Variants in GULP1 observed in about 807,000 individuals in gnomAD.
GULP1 encodes GULP PTB domain containing engulfment adaptor 1.
A neutral mutation model predicts 40.9 loss-of-function variants in GULP1; 19 were observed. The ratio of observed to expected loss-of-function variants is 0.46; its 90% CI spans 0.32 to 0.68. GULP1 has a LOEUF of 0.68. Ranked by LOEUF, GULP1 falls within the 30% of genes least tolerant of loss-of-function variation. GULP1 has a pLI of 0.03. For synonymous variants in GULP1, 119 were observed against 117.6 expected (o/e 1.01, Z -0.08); for missense variants, 312 against 362.2 (o/e 0.86, Z 1.12).
chr2:188,502,220 A>G (rs2063502625), intron 4 of GULP1, among the ~76,000 whole-genome samples: 1 of 151,720 alleles, frequency 6.6e-6, no homozygotes, highest in African/African-American at 2.4e-5. Flanking sequence ...AGAGAGCTGC[A>G]TCTGATATCC....
chr2:188,556,273 A>G lies in GULP1; in HGVS notation c.400-12966A>G, dbSNP rs185681721. ...TATTTGTCCGACTGAATTATTTCAA[A>G]AGATCTGTCTTTAAAGATTTGAGAT... is the stretch of plus-strand genomic sequence containing the variant. On this transcript the variant is annotated intron_variant, in intron 7 of 11. Transcript: ENST00000409830. Among the ~76,000 whole-genome samples the G allele has an allele frequency of 1.7e-3, 252 of 152,206 alleles. 2 individuals carry two copies. Among genetic ancestry groups the G allele is most frequent in the East Asian group, 3.9e-4 (2 of 5,166 alleles).
intron 1 of GULP1, among the ~76,000 whole-genome samples, chr2:188,339,333 T>C: frequency 6.6e-6 from 1 of 152,190 alleles, no homozygotes; most frequent in East Asian, 1.9e-4. Context: ...GATGATGCTT[T>C]GTCAGTATGT....
Position 188,320,631 on chromosome 2 carries a change from T to TA in GULP1, c.-172+28473dup, listed in dbSNP as rs911712319. ...ATATTTTCTGAGAAGCATGTTTTGTTAAAAAAAATAAAACAAACAGGCTTT... is the reference window on the plus strand; with the variant it reads ...ATATTTTCTGAGAAGCATGTTTTGTTAAAAAAAAATAAAACAAACAGGCTTT... On this transcript the variant is annotated intron_variant, in intron 1 of 11. Coordinates refer to ENST00000409830, the MANE Select transcript of GULP1 (RefSeq NM_016315.4). Among the ~76,000 whole-genome samples the TA allele has an allele frequency of 6.6e-5, 10 of 151,972 alleles. 1 individual carries two copies. Among genetic ancestry groups the TA allele is most frequent in the Admixed American group, 4.6e-4 (7 of 15,248 alleles).
At position 188,541,270 on chromosome 2, in the gene GULP1, TTC is replaced by T. The variant is rs759835826; in HGVS notation, c.353_354del (p.Ser118Ter). The T allele has an allele frequency of 6.2e-7, 1 of 1,612,268 alleles. No homozygotes were observed. ...GGATATTCACTTTCATATGCAAAGA[TTC>T]TGAGTCAAATAAACATTTGTGCTAT... Reference protein sequence around the residue: ...KRIFTFICKDSESNKHLCYVF... With the variant: ...KRIFTFICKDXESNKHLCYVF... On this transcript the variant is annotated frameshift_variant, in exon 7 of 12. Coordinates refer to ENST00000409830, the MANE Select transcript of GULP1 (RefSeq NM_016315.4). LOFTEE classifies it high-confidence loss of function.
At chr2:188,450,203 T>C (rs2058722211) in intron 2 of GULP1, among the ~76,000 whole-genome samples, 1 of 152,194 alleles carries the variant, frequency 6.6e-6, no homozygotes, top group Non-Finnish European at 1.5e-5. Context: ...TCATTTAGGC[T>C]TTACAGAACA....
chr2:188,372,787 G>C (rs2047767910), intron 1 of GULP1, among the ~76,000 whole-genome samples: 1 of 151,866 alleles, frequency 6.6e-6, no homozygotes, highest in Non-Finnish European at 1.5e-5. Context: ...CCATATCATT[G>C]GGTCTTGGAA....
chr2:188,530,202 C>T (rs535943269), intron 6 of GULP1, among the ~76,000 whole-genome samples: 79 of 152,162 alleles, frequency 5.2e-4, no homozygotes, highest in Non-Finnish European at 9.4e-4. Context: ...CACAGACAAC[C>T]CTAGGTGAAT....
chr2:188,354,823 C>A (rs1028008599), intron 1 of GULP1, among the ~76,000 whole-genome samples: 1 of 152,028 alleles, frequency 6.6e-6, no homozygotes, highest in Non-Finnish European at 1.5e-5. Context: ...CCACTAAATT[C>A]AAAACATCAA....
At chr2:188,547,242 GAA>G (rs773467445) in intron 7 of GULP1, among the ~76,000 whole-genome samples, 1 of 120,840 alleles carries the variant, frequency 8.3e-6, no homozygotes, top group African/African-American at 3.0e-5. Flanking sequence ...CTTAGACAAT[GAA>G]AAAAAAAAAA....
intron 2 of GULP1, among the ~76,000 whole-genome samples, chr2:188,467,666 C>T (rs1343152935): frequency 1.3e-5 from 2 of 152,016 alleles, no homozygotes; most frequent in Non-Finnish European, 2.9e-5. Flanking sequence ...CTAATATTTT[C>T]CATGTGGTTC....
intron 1 of GULP1, among the ~76,000 whole-genome samples, chr2:188,363,142 A>G (rs1295710003): frequency 6.6e-6 from 1 of 152,116 alleles, no homozygotes; most frequent in East Asian, 1.9e-4. Flanking sequence ...TTTCTTATAG[A>G]AAACACTTGT....
intron 4 of GULP1, among the ~76,000 whole-genome samples, chr2:188,516,091 G>A (rs936375773): frequency 1.3e-5 from 2 of 151,832 alleles, no homozygotes; most frequent in African/African-American, 2.4e-5. Flanking sequence ...GCTTTTATTC[G>A]TCATATCTGT....
intron 9 of GULP1, among the ~76,000 whole-genome samples, chr2:188,578,061 T>C (rs1700515845): frequency 6.6e-6 from 1 of 151,976 alleles, no homozygotes; most frequent in Non-Finnish European, 1.5e-5. Context: ...TTTTAGTAAT[T>C]GTGATAAATT....
At chr2:188,522,300 G>T (rs2065865538) in intron 4 of GULP1, among the ~76,000 whole-genome samples, 1 of 151,686 alleles carries the variant, frequency 6.6e-6, no homozygotes, top group African/African-American at 2.4e-5. Flanking sequence ...AGCAGGCAGA[G>T]GCAAGTGGGG....
At chr2:188,514,352 G>C (rs1387865351) in intron 4 of GULP1, among the ~76,000 whole-genome samples, 1 of 152,062 alleles carries the variant, frequency 6.6e-6, no homozygotes, top group African/African-American at 2.4e-5. Flanking sequence ...GTTTATATCG[G>C]TTAGCCTATG....
At chr2:188,574,672 C>A (rs1400298106) in intron 9 of GULP1, among the ~76,000 whole-genome samples, 1 of 151,992 alleles carries the variant, frequency 6.6e-6, no homozygotes, top group Non-Finnish European at 1.5e-5. Flanking sequence ...CAAACAACAA[C>A]AACAACAAAA....
chr2:188,513,941 C>G (rs11901472), intron 4 of GULP1, among the ~76,000 whole-genome samples: 6,270 of 152,040 alleles, frequency 0.041, 419 homozygotes, highest in African/African-American at 0.14. Flanking sequence ...TTCAGGTTCT[C>G]CCCATATCTG....
Position 188,584,119 on chromosome 2 carries a change from C to G in GULP1, c.610-146C>G, listed in dbSNP as rs1701879174. On this transcript the variant is annotated intron_variant, in intron 9 of 11. Transcript: ENST00000409830. ...GTGGAACCATATGAAATTGCGAATA[C>G]TTAACTATTTTTGGTCTACAAAATG... 3 of 530,680 alleles carry G rather than the reference C, an allele frequency of 5.7e-6. No individual in the cohort carries two copies. The African/African-American group carries it at 5.8e-5, about 10-fold the overall frequency. The allele number at this position is 530,680 out of a possible 1,614,324, so 32.9% of individuals were successfully genotyped here.
chr2:188,464,691 T>C (rs2152978593), intron 2 of GULP1, among the ~76,000 whole-genome samples: 1 of 152,296 alleles, frequency 6.6e-6, no homozygotes, highest in Non-Finnish European at 1.5e-5. Flanking sequence ...TGTTCTATTG[T>C]ACTGTGGTTA....
Sources: gnomAD v4.1 joint callset for allele counts (sites outside exome capture counted in the v4.1 genomes callset) on GRCh38, gnomAD v4.1.1 for gene constraint, MANE v1.5 for transcripts, NCBI Gene and HGNC (gene_info 2026-07-23, HGNC 2026-07-21) for gene names.